The following NBEAL2 variants were observed in gnomAD, a reference collection of about 807,000 sequenced individuals.
NBEAL2 encodes the protein neurobeachin like 2.
In NBEAL2, 160 loss-of-function variants were observed where a neutral mutation model predicts 299.8. The ratio of observed to expected loss-of-function variants is 0.53; its 90% CI spans 0.47 to 0.61. The LOEUF (loss-of-function observed/expected upper bound fraction) is 0.61. NBEAL2 is among the 20% of genes least tolerant of loss of function. The pLI, the probability that NBEAL2 is intolerant of heterozygous loss-of-function variation, is 0.00. For synonymous variants in NBEAL2, 1,493 were observed against 1,542.3 expected, an observed-to-expected ratio of 0.97 and a Z score of 0.75; for missense variants, 3,112 against 3,649.0, an observed-to-expected ratio of 0.85 and a Z score of 3.79.
chr3:47,005,521 T>C lies in NBEAL2; in HGVS notation c.6593T>C (p.Val2198Ala). The part of the protein sequence containing the change: ...FDCSDRQFHS[V>A]AAAWQARLES... ...TGCTCCGACCGGCAGTTCCACTCGG[T>C]GGCGGCAGCCTGGCAGGCACGCCTG... is the stretch of plus-strand genomic sequence containing the variant. The change falls in exon 41 of 54, where the codon GTG becomes GCG. Residue 2198 changes from valine (V) to alanine (A), a missense_variant. This residue lies in a region of NBEAL2 where 521 missense variants were observed against 729.6 expected (regional missense o/e 0.71). Transcript: ENST00000450053. 1 of 1,611,256 alleles carries C rather than the reference T, an allele frequency of 6.2e-7. No individual in the cohort carries two copies. Among genetic ancestry groups the C allele is most frequent in the South Asian group, 1.1e-5 (1 of 90,680 alleles).
rs780341004 is a variant in NBEAL2 at position 46,999,327 on chromosome 3, C to T, written c.3556C>T (p.Leu1186=). 12 of 1,610,680 alleles carry T rather than the reference C, an allele frequency of 7.5e-6. No individual in the cohort carries two copies. The South Asian group carries it at 1.3e-4, about 18-fold the overall frequency. ...PDRVCKILRR[L]QQNERLPERS... ...GACCCCCACACAGATCCTGCGCAGA[C>T]TGCAGCAGAATGAGCGGCTACCTGA... Residue 1186 remains leucine, a synonymous_variant, in exon 25 of 54, where the codon CTG becomes TTG. Transcript: ENST00000450053.
chr3:47,006,407 C>A lies in NBEAL2; in HGVS notation c.7092C>A (p.Ser2364Arg), dbSNP rs1179247253. ...CACGCCTGGACACTAACTCACCTAG[C>A]ATCTTCCAGCACCTGGACGAACTCA... ...RLARLDTNSP[S>R]IFQHLDELKA... is the part of the protein sequence containing the mutation. The change falls in exon 45 of 54, where the codon AGC (serine) becomes AGA (arginine). Residue 2364 changes from serine to arginine, a missense_variant. Transcript: ENST00000450053. The A allele has an allele frequency of 1.3e-6, 2 of 1,593,930 alleles. No homozygotes were observed. Among genetic ancestry groups the A allele is most frequent in the African/African-American group, 1.3e-5 (1 of 74,486 alleles).
rs1455461476 is a variant in NBEAL2, at chr3:47,002,760, T to C, written c.5417T>C (p.Leu1806Pro). ...HSMALLHWGA[L>P]WRQLASPCGA... ...ATGGCCCTGCTGCACTGGGGGGCGCTGTGGCGCCAGCTCGCCAGCCCATGT... is the reference window on the plus strand; with the variant it reads ...ATGGCCCTGCTGCACTGGGGGGCGCCGTGGCGCCAGCTCGCCAGCCCATGT... The change falls in exon 33 of 54, where the codon CTG becomes CCG. Residue 1806 changes from leucine to proline, a missense_variant. This residue lies in a region of NBEAL2 where 2,243 missense variants were observed against 2,538.1 expected (regional missense o/e 0.88). Coordinates refer to ENST00000450053, the MANE Select transcript of NBEAL2 (RefSeq NM_015175.3). The C allele has an allele frequency of 1.3e-6, 2 of 1,564,204 alleles. No homozygotes were observed. The highest frequency in any genetic ancestry group is 2.3e-5 in the South Asian group (2 of 87,258).
In NBEAL2 at chr3:46,999,023, C is replaced by T; in HGVS notation, c.3449C>T (p.Ala1150Val). ...LHGSLVQESLAVFLLEPGNLE... is the reference protein window; with the variant it reads ...LHGSLVQESLVVFLLEPGNLE... ...GGTTCCCTGGTGCAGGAGTCCTTGG[C>T]TGTCTTTCTGTTGGAGCCAGGGAAC... Residue 1150 changes from alanine (A) to valine (V), a missense_variant, in exon 24 of 54, where the codon GCT becomes GTT. Ala to Val is a moderately conservative substitution (Grantham distance 64). This residue lies in a region of NBEAL2 where 2,243 missense variants were observed against 2,538.1 expected (regional missense o/e 0.88). Coordinates refer to ENST00000450053, the MANE Select transcript of NBEAL2 (RefSeq NM_015175.3). 1 of 1,603,850 alleles carries T rather than the reference C, an allele frequency of 6.2e-7. No individual in the cohort carries two copies. Among genetic ancestry groups the T allele is most frequent in the South Asian group, 1.1e-5 (1 of 89,016 alleles).
chr3:47,009,415 C>A lies in NBEAL2; in HGVS notation c.*95C>A. 1 of 1,153,566 alleles carries A rather than the reference C, an allele frequency of 8.7e-7. No individual in the cohort carries two copies. Among genetic ancestry groups the A allele is most frequent in the Non-Finnish European group, 1.2e-6 (1 of 818,640 alleles). The allele number at this position is 1,153,566 out of a possible 1,614,324, so 71.5% of individuals were successfully genotyped here. A position where few individuals can be genotyped will look rare whatever the true frequency, so the allele number is the denominator to read the frequency against. ...GGCGGGAACACCCCGGGGTGGGCAG[C>A]CCAGGGGGGTGAGCGGGGCCCACCC... On this transcript the variant is annotated 3_prime_UTR_variant, in exon 54 of 54. Coordinates refer to ENST00000450053, the MANE Select transcript of NBEAL2 (RefSeq NM_015175.3).
intron 10 of NBEAL2, among the ~76,000 whole-genome samples, chr3:46,993,022 G>A (rs2036219527): frequency 6.6e-6 from 1 of 152,204 alleles, no homozygotes; most frequent in South Asian, 2.1e-4. Flanking sequence ...GGAGGCTGCA[G>A]GGTGTCAGCT....
At chr3:47,007,504 C>G (rs776693420) in intron 47 of NBEAL2, 21 bp from the exon 48 acceptor site, 3 of 1,601,444 alleles carry the variant, frequency 1.9e-6, no homozygotes, top group Non-Finnish European at 2.6e-6. Flanking sequence ...GCCTCACTTG[C>G]TATCCCCCTC....
chr3:47,000,216 G>C lies in NBEAL2; in HGVS notation c.4117G>C (p.Gly1373Arg), dbSNP rs141684812. ...TGTAGGATCAGGCAACACTGCTGGT[G>C]GTGGCGGCAGCAGTGGGACTCTTAC... ...SSVGSGNTAGGGGSSGTLTPA... is the reference protein window; with the variant it reads ...SSVGSGNTAGRGGSSGTLTPA... The change falls in exon 27 of 54, where the codon GGT (glycine) becomes CGT (arginine). Residue 1373 changes from glycine (G) to arginine (R), a missense_variant. By Grantham distance (125) the Gly-to-Arg change is moderately radical (BLOSUM62 -2). Coordinates refer to ENST00000450053, the MANE Select transcript of NBEAL2 (RefSeq NM_015175.3). This position sits in a 1 kb window ranked among gnomAD's most constrained non-coding sequence, Gnocchi z 4.5. 532 of 1,613,666 alleles carry C rather than the reference G, an allele frequency of 3.3e-4. 2 individuals carry two copies. The African/African-American group carries it at 6.4e-3, about 20-fold the overall frequency.
chr3:47,002,912 G>T (rs756956984), intron 33 of NBEAL2, 45 bp from the exon 34 acceptor site: 2 of 1,602,874 alleles, frequency 1.2e-6, no homozygotes, highest in Non-Finnish European at 1.7e-6. Context: ...GGATGGGGGT[G>T]TCTACAGCCT....
At chr3:46,993,834 A>T in intron 10 of NBEAL2, 103 bp from the exon 11 acceptor site, 1 of 1,003,944 alleles carries the variant, frequency 1.0e-6, no homozygotes, top group Non-Finnish European at 1.5e-6. Flanking sequence ...AGCACATGCC[A>T]CATGCCTTGG....
chr3:47,006,441 T>C lies in NBEAL2; in HGVS notation c.7126T>C (p.Phe2376Leu). The change falls in exon 45 of 54, where the codon TTC becomes CTC. Residue 2376 changes from phenylalanine (F) to leucine (L), a missense_variant. Phe to Leu is a conservative substitution (Grantham distance 22). This residue lies in a region of NBEAL2 where 521 missense variants were observed against 729.6 expected (regional missense o/e 0.71). Transcript: ENST00000450053. The stretch of plus-strand genomic sequence containing the variant: ...GCACCTGGACGAACTCAAGGCATTC[T>C]TCGCAGAGGTGAAAGGAAGACAAGA... ...FQHLDELKAF[F>L]AEVVSDGVPL... The C allele has an allele frequency of 1.3e-6, 2 of 1,577,764 alleles. No homozygotes were observed. The highest frequency in any genetic ancestry group is 1.7e-6 in the Non-Finnish European group (2 of 1,161,324).
intron 1 of NBEAL2, among the ~76,000 whole-genome samples, chr3:46,987,748 C>A (rs1293373714): frequency 6.6e-6 from 1 of 152,144 alleles, no homozygotes; most frequent in Non-Finnish European, 1.5e-5. Flanking sequence ...CAGGCGCCAA[C>A]CTCATGCTTG....
intron 1 of NBEAL2, among the ~76,000 whole-genome samples, chr3:46,984,790 T>C (rs1172659207): frequency 6.6e-6 from 1 of 152,076 alleles, no homozygotes; most frequent in Non-Finnish European, 1.5e-5. Context: ...CTGGGGTCCA[T>C]TAATGCCTCT....
rs2107463329 is a variant in NBEAL2 at position 47,008,951 on chromosome 3, G to GC, written c.8028-37dup. Reference sequence around the variant, plus strand: ...TATCTGCTGGTCGCAAAGCCCCCTTGCAGTCGCAAGTTGGTGTATATCCCC... The same window carrying GC: ...TATCTGCTGGTCGCAAAGCCCCCTTGCCAGTCGCAAGTTGGTGTATATCCCC... On this transcript the variant is annotated intron_variant, in intron 52 of 53. Transcript: ENST00000450053. 3 of 1,598,230 alleles carry GC rather than the reference G, an allele frequency of 1.9e-6. No individual in the cohort carries two copies. The East Asian group carries it at 6.7e-5, about 36-fold the overall frequency.
rs772063321 is a variant in NBEAL2, at chr3:47,008,305, C to G, written c.7742C>G (p.Thr2581Ser). The change falls in exon 51 of 54, where the codon ACT (threonine) becomes AGT (serine). Residue 2581 changes from threonine to serine, a missense_variant. Physicochemically the swap from Thr to Ser is moderately conservative, Grantham distance 58. This residue lies in a region of NBEAL2 where 348 missense variants were observed against 381.4 expected (regional missense o/e 0.91). Coordinates refer to ENST00000450053, the MANE Select transcript of NBEAL2 (RefSeq NM_015175.3). ...CAGGATGGAACTGTGATCATACACA[C>G]TGTACGCCGCGGACAGTTTGTAGCG... ...GSEDGTVIIH[T>S]VRRGQFVAAL... 6.2e-7 allele frequency: 1 copy of G among 1,613,170 alleles called. No individual in the cohort carries two copies. The highest frequency in any genetic ancestry group is 2.2e-5 in the East Asian group (1 of 44,868).
intron 9 of NBEAL2, 137 bp from the exon 10 acceptor site, chr3:46,992,338 G>A (rs995076230): frequency 1.2e-6 from 1 of 808,392 alleles, no homozygotes; most frequent in East Asian, 2.7e-5. Context: ...GGCACAGGGG[G>A]CTCAGCACCC....
At position 46,979,676 on chromosome 3, in the gene NBEAL2, A is replaced by C. The variant is rs1193482210; in HGVS notation, c.-186A>C. 6.3e-6 allele frequency: 2 copies of C among 315,438 alleles called. No homozygotes were observed. The highest frequency in any genetic ancestry group is 9.5e-5 in the East Asian group (2 of 21,158). 19.5% of individuals were successfully genotyped at this position (315,438 alleles called of 1,614,324 possible). A position where few individuals can be genotyped will look rare whatever the true frequency, so the allele number is the denominator to read the frequency against. On this transcript the variant is annotated 5_prime_UTR_variant, in exon 1 of 54. Transcript: ENST00000450053. ...TGGGCGGCGGCCGGCAGTGAGGAGG[A>C]GGAGCGAGCAGACTTGGGTGGCTCT...
Position 46,982,941 on chromosome 3 carries a change from C to G in NBEAL2, c.51+3029C>G, listed in dbSNP as rs550134203. ...ACCTGACAGGCTGGCGGTTGGGCAGCCCATAAAAGTTAATGCCACATAGCA... is the reference window on the plus strand; with the variant it reads ...ACCTGACAGGCTGGCGGTTGGGCAGGCCATAAAAGTTAATGCCACATAGCA... On this transcript the variant is annotated intron_variant, in intron 1 of 53. Coordinates refer to ENST00000450053, the MANE Select transcript of NBEAL2 (RefSeq NM_015175.3). The surrounding 1 kb of genome is among the most constrained non-coding windows in gnomAD (Gnocchi z 4.2). Among the ~76,000 whole-genome samples, 8 of 152,188 alleles carry G rather than the reference C, an allele frequency of 5.3e-5. No homozygotes were observed. Among genetic ancestry groups the G allele is most frequent in the African/African-American group, 1.7e-4 (7 of 41,512 alleles).
Position 46,988,104 on chromosome 3 carries a change from C to A in NBEAL2, c.52-565C>A, listed in dbSNP as rs1249153805. On this transcript the variant is annotated intron_variant, in intron 1 of 53. Transcript: ENST00000450053. This position sits in a 1 kb window ranked among gnomAD's most constrained non-coding sequence, Gnocchi z 4.4. The stretch of plus-strand genomic sequence containing the variant: ...TAACCAGCAAGGGTGGGTGGAGGTT[C>A]CCGGGGCAAGGCAGGGCCGCACATG... 1 of 1,199,130 alleles carries A rather than the reference C, an allele frequency of 8.3e-7. No individual in the cohort carries two copies. The highest frequency in any genetic ancestry group is 1.1e-6 in the Non-Finnish European group (1 of 943,682). The allele number at this position is 1,199,130 out of a possible 1,614,324, so 74.3% of individuals were successfully genotyped here. A position where few individuals can be genotyped will look rare whatever the true frequency, so the allele number is the denominator to read the frequency against.
Sources: allele counts gnomAD v4.1 joint callset (sites outside exome capture counted in the v4.1 genomes callset), GRCh38; gene constraint gnomAD v4.1.1; regional missense constraint gnomAD v4.1.1; non-coding constraint Gnocchi (gnomAD v3.1); transcripts MANE v1.5; gene names NCBI Gene and HGNC (gene_info 2026-07-23, HGNC 2026-07-21).